The following TMCO5A variants were observed in gnomAD, a reference collection of about 807,000 sequenced individuals.
TMCO5A encodes transmembrane and coiled-coil domains 5A, also known as transmembrane and coiled-coil domain-containing protein 5A.
In TMCO5A, 34 loss-of-function variants were observed where a neutral mutation model predicts 42.3. The observed-to-expected ratio is 0.80, with a 90% confidence interval of 0.61 to 1.07. The LOEUF is 1.07. TMCO5A is among the 50% of genes least tolerant of loss of function. The pLI is 0.00. For missense variants in TMCO5A, 357 were observed against 327.9 expected (o/e 1.09, Z -0.69); for synonymous variants, 131 against 115.6 (o/e 1.13, Z -0.86).
the TMCO5A span, among the ~76,000 whole-genome samples, chr15:37,996,897 T>G: frequency 6.6e-6 from 1 of 152,170 alleles, no homozygotes; most frequent in Non-Finnish European, 1.5e-5. Context: ...TTTTACATGT[T>G]TAAACCCTCC....
At chr15:37,999,766 C>G in the TMCO5A span, among the ~76,000 whole-genome samples, 1 of 152,022 alleles carries the variant, frequency 6.6e-6, no homozygotes, top group South Asian at 2.1e-4. Context: ...AATGCTTTTT[C>G]AGCATCAATT....
chr15:38,039,423 C>T, the TMCO5A span, among the ~76,000 whole-genome samples: 1 of 152,172 alleles, frequency 6.6e-6, no homozygotes, highest in South Asian at 2.1e-4. Flanking sequence ...CCTCTCAGTC[C>T]CATAGTCCCT....
chr15:37,937,247 C>A, intron 4 of TMCO5A, 99 bp from the exon 5 acceptor site: 1 of 1,408,606 alleles, frequency 7.1e-7, no homozygotes, highest in Non-Finnish European at 1.0e-6. Flanking sequence ...GGTCAAGTTA[C>A]TGCAGGAAAA....
At chr15:37,938,537 T>G (rs1169288984) in intron 6 of TMCO5A, among the ~76,000 whole-genome samples, 3 of 152,112 alleles carry the variant, frequency 2.0e-5, no homozygotes, top group Non-Finnish European at 2.9e-5. Flanking sequence ...AGTTGGGTAA[T>G]TTAATTACTG....
the TMCO5A span, among the ~76,000 whole-genome samples, chr15:38,033,352 A>G: frequency 9.9e-5 from 15 of 152,190 alleles, no homozygotes; most frequent in African/African-American, 3.4e-4. Context: ...TAGAACATTT[A>G]ATTTTGTCTA....
At chr15:37,989,017 A>ATAC in the TMCO5A span, among the ~76,000 whole-genome samples, 3 of 151,862 alleles carry the variant, frequency 2.0e-5, no homozygotes, top group Non-Finnish European at 4.4e-5. Context: ...TCTTCTTACT[A>ATAC]CTTATAGGTA....
At chr15:37,938,080 T>A (rs1044268746) in intron 5 of TMCO5A, 78 bp from the exon 6 acceptor site, 7 of 1,225,950 alleles carry the variant, frequency 5.7e-6, no homozygotes, top group African/African-American at 1.5e-5. Context: ...AGGCCATAGT[T>A]ACTAATCTCC....
At position 37,942,197 on chromosome 15, in the gene TMCO5A, C is replaced by T; in HGVS notation, c.511C>T (p.Gln171Ter). 2 of 1,612,488 alleles carry T rather than the reference C, an allele frequency of 1.2e-6. No individual in the cohort carries two copies. Among genetic ancestry groups the T allele is most frequent in the Non-Finnish European group, 1.7e-6 (2 of 1,179,100 alleles). Reference protein sequence around the residue: ...EDQALYIKKYQETLKKIEEEL... With the variant: ...EDQALYIKKY Reference sequence around the variant, plus strand: ...TCTTTGTTTCTCTTTGAAGAAGTACCAGGAAACGTTGAAGAAAATAGAAGA... The same window carrying T: ...TCTTTGTTTCTCTTTGAAGAAGTACTAGGAAACGTTGAAGAAAATAGAAGA... Residue 171 changes from glutamine (Q) to a stop codon, truncating the protein, a stop_gained, in exon 9 of 12, where the codon CAG (glutamine) becomes TAG (stop). Coordinates refer to ENST00000319669, the MANE Select transcript of TMCO5A (RefSeq NM_152453.4). LOFTEE classifies it high-confidence loss of function.
chr15:38,039,896 T>C, the TMCO5A span: 1 of 152,220 alleles, frequency 6.6e-6, no homozygotes, highest in African/African-American at 2.4e-5. Flanking sequence ...AAGGCTGCAA[T>C]CAAGGCATTA....
the TMCO5A span, among the ~76,000 whole-genome samples, chr15:38,028,275 G>A: frequency 6.6e-6 from 1 of 152,182 alleles, no homozygotes. Flanking sequence ...TGAGATTGGT[G>A]GTGATTATGA....
At chr15:38,004,760 T>C in the TMCO5A span, 1 of 152,222 alleles carries the variant, frequency 6.6e-6, no homozygotes, top group Non-Finnish European at 1.5e-5. Flanking sequence ...AAGGGAGAAG[T>C]GATGGAGGCG....
chr15:37,959,797 T>C (rs1301712065), intron 11 of TMCO5A, among the ~76,000 whole-genome samples: 1 of 151,982 alleles, frequency 6.6e-6, no homozygotes, highest in African/African-American at 2.4e-5. Flanking sequence ...TCATGACTGT[T>C]ATTCAGTATA....
chr15:37,938,630 A>G (rs941402805), intron 6 of TMCO5A, among the ~76,000 whole-genome samples: 2 of 152,096 alleles, frequency 1.3e-5, no homozygotes, highest in African/African-American at 4.8e-5. Context: ...AACTTCAAAA[A>G]GTTGTGTGAG....
Position 37,951,240 on chromosome 15 carries a change from T to A in TMCO5A, c.*6T>A, listed in dbSNP as rs371969202. The A allele has an allele frequency of 2.5e-5, 40 of 1,612,838 alleles. No homozygotes were observed. Among genetic ancestry groups the A allele is most frequent in the Non-Finnish European group, 3.3e-5 (39 of 1,179,382 alleles). On this transcript the variant is annotated 3_prime_UTR_variant, in exon 12 of 12. Transcript: ENST00000319669. The stretch of plus-strand genomic sequence containing the variant: ...AGGACATGTTACCCCACTGATTCCC[T>A]AAGAAATATCCTTGAGCAATAGAAG...
chr15:37,948,610 A>G (rs78366888), intron 11 of TMCO5A, among the ~76,000 whole-genome samples: 2,491 of 152,190 alleles, frequency 0.016, 77 homozygotes, highest in African/African-American at 0.057. Context: ...GACTGTGTGG[A>G]TTTCTAGAAT....
At chr15:37,980,965 C>A in the TMCO5A span, among the ~76,000 whole-genome samples, 1 of 151,978 alleles carries the variant, frequency 6.6e-6, no homozygotes, top group African/African-American at 2.4e-5. Flanking sequence ...TTTCATTATT[C>A]ATCACTCTAT....
chr15:38,026,416 A>T, the TMCO5A span, among the ~76,000 whole-genome samples: 1 of 152,096 alleles, frequency 6.6e-6, no homozygotes, highest in Non-Finnish European at 1.5e-5. Context: ...AACTTGAGAG[A>T]GATGATTTAG....
At chr15:38,039,103 T>A in the TMCO5A span, among the ~76,000 whole-genome samples, 4 of 151,924 alleles carry the variant, frequency 2.6e-5, no homozygotes, top group Non-Finnish European at 5.9e-5. Context: ...TAGAGGCAGG[T>A]GGAAAAAATG....
At chr15:38,003,854 A>G in the TMCO5A span, among the ~76,000 whole-genome samples, 1 of 152,076 alleles carries the variant, frequency 6.6e-6, no homozygotes, top group Non-Finnish European at 1.5e-5. Flanking sequence ...CAAGGCCTGG[A>G]ATCAGGAACC....
Sources: gnomAD v4.1 joint callset for allele counts (sites outside exome capture counted in the v4.1 genomes callset) on GRCh38, gnomAD v4.1.1 for gene constraint, MANE v1.5 for transcripts, NCBI Gene and HGNC (gene_info 2026-07-23, HGNC 2026-07-21) for gene names.